The following MTUS2 variants were observed in gnomAD, a reference collection of about 807,000 sequenced individuals.
MTUS2 encodes the protein microtubule associated scaffold protein 2, also known as microtubule-associated tumor suppressor candidate 2.
In MTUS2, 40 loss-of-function variants were observed where a neutral mutation model predicts 114.1. The ratio of observed to expected loss-of-function variants is 0.35; its 90% CI spans 0.27 to 0.46. The LOEUF (loss-of-function observed/expected upper bound fraction) is 0.46. MTUS2 is among the 20% of genes least tolerant of loss of function. The pLI, the probability that MTUS2 is intolerant of heterozygous loss-of-function variation, is 1.00. For synonymous variants in MTUS2, 688 were observed against 672.0 expected, an observed-to-expected ratio of 1.02 and a Z score of -0.37; for missense variants, 1,679 against 1,705.4, an observed-to-expected ratio of 0.98 and a Z score of 0.27.
chr13:28,889,163 C>G lies in MTUS2; in HGVS notation c.-243+49313C>G, dbSNP rs113543004. ...CATTGTTCATTTGTTCTCAGCTGTT[C>G]CCTGGAGGTGTAGCTCTTCACCTGC... On this transcript the variant is annotated intron_variant, in intron 2 of 15. Transcript: ENST00000612955. 6.6e-3 allele frequency among the ~76,000 whole-genome samples: 1,007 copies of G among 152,144 alleles called. 5 individuals carry two copies. Among genetic ancestry groups the G allele is most frequent in the African/African-American group, 0.022 (920 of 41,508 alleles).
chr13:28,870,056 T>C (rs1275435361), intron 2 of MTUS2, among the ~76,000 whole-genome samples: 1 of 152,212 alleles, frequency 6.6e-6, no homozygotes, highest in Non-Finnish European at 1.5e-5. Flanking sequence ...ATATATATCA[T>C]GTATAGTGAT....
intron 2 of MTUS2, among the ~76,000 whole-genome samples, chr13:29,020,594 A>G (rs559183099): frequency 2.0e-5 from 3 of 152,158 alleles, no homozygotes; most frequent in Non-Finnish European, 4.4e-5. Context: ...AAATTGAAGA[A>G]AGTTTTTAAA....
At chr13:29,459,962 C>CA (rs1879368712) in intron 9 of MTUS2, among the ~76,000 whole-genome samples, 1 of 152,180 alleles carries the variant, frequency 6.6e-6, no homozygotes, top group Non-Finnish European at 1.5e-5. Flanking sequence ...GACTCAAGTC[C>CA]ACCATCCCCT....
chr13:29,171,146 G>GTA (rs1566045542), intron 5 of MTUS2, among the ~76,000 whole-genome samples: 3 of 151,582 alleles, frequency 2.0e-5, no homozygotes, highest in African/African-American at 7.3e-5. Context: ...GAGAGAGTGT[G>GTA]TGTGTGTGTG....
At chr13:28,954,799 G>T (rs1229741438) in intron 2 of MTUS2, among the ~76,000 whole-genome samples, 2 of 152,162 alleles carry the variant, frequency 1.3e-5, no homozygotes, top group African/African-American at 2.4e-5. Context: ...CAGAGGTGGG[G>T]CCTCCAGCAT....
chr13:28,871,989 T>C (rs60139278), intron 2 of MTUS2, among the ~76,000 whole-genome samples: 10,443 of 152,160 alleles, frequency 0.069, 1,170 homozygotes, highest in African/African-American at 0.23. Context: ...TCACAATGGC[T>C]TGGGACCTCA....
intron 15 of MTUS2, 81 bp downstream of exon 15, chr13:29,501,275 G>A (rs1262964451): frequency 1.9e-6 from 2 of 1,036,332 alleles, no homozygotes; most frequent in South Asian, 1.4e-5. Flanking sequence ...CCCTCACTCT[G>A]GCCTGTGAGT....
intron 9 of MTUS2, among the ~76,000 whole-genome samples, chr13:29,448,857 G>A (rs1472174236): frequency 3.4e-5 from 5 of 149,194 alleles, no homozygotes; most frequent in South Asian, 2.1e-4. Flanking sequence ...GAGTTCAAGC[G>A]ATTCTCCTGC....
chr13:29,200,874 C>T (rs1473493560), intron 5 of MTUS2, among the ~76,000 whole-genome samples: 1 of 152,066 alleles, frequency 6.6e-6, no homozygotes, highest in African/African-American at 2.4e-5. Context: ...GCCTGAGAGA[C>T]TGTTGGTTAG....
At chr13:29,199,651 C>A (rs1417891745) in intron 5 of MTUS2, among the ~76,000 whole-genome samples, 1 of 151,844 alleles carries the variant, frequency 6.6e-6, no homozygotes, top group Non-Finnish European at 1.5e-5. Context: ...CTGAAATTTT[C>A]TTTTTTTGTT....
chr13:28,842,826 C>T (rs1273969476), intron 2 of MTUS2, among the ~76,000 whole-genome samples: 1 of 152,162 alleles, frequency 6.6e-6, no homozygotes, highest in African/African-American at 2.4e-5. Context: ...TTACCCTGTG[C>T]AGATGCTAGT....
intron 8 of MTUS2, among the ~76,000 whole-genome samples, chr13:29,432,552 C>T (rs1192417492): frequency 6.6e-6 from 1 of 152,184 alleles, no homozygotes; most frequent in Non-Finnish European, 1.5e-5. Flanking sequence ...AGCCTTGATG[C>T]GAATGGAATC....
chr13:28,874,341 A>G (rs777250413), intron 2 of MTUS2, among the ~76,000 whole-genome samples: 15 of 152,170 alleles, frequency 9.9e-5, no homozygotes, highest in African/African-American at 2.7e-4. Context: ...TAAACTATTC[A>G]ATTTATTTAA....
At chr13:29,256,984 C>G (rs753316326) in intron 5 of MTUS2, among the ~76,000 whole-genome samples, 8 of 152,166 alleles carry the variant, frequency 5.3e-5, no homozygotes, top group Non-Finnish European at 1.2e-4. Flanking sequence ...TACATTGTTG[C>G]AAAATAAAAG....
chr13:29,225,400 GT>G (rs561457851), intron 5 of MTUS2, among the ~76,000 whole-genome samples: 95 of 152,292 alleles, frequency 6.2e-4, no homozygotes, highest in African/African-American at 2.2e-3. Flanking sequence ...AAGTTACGCA[GT>G]GTTATTGTAA....
chr13:28,904,989 C>T (rs151294778), intron 2 of MTUS2, among the ~76,000 whole-genome samples: 19,374 of 150,974 alleles, frequency 0.13, 1,640 homozygotes, highest in African/African-American at 0.21. Context: ...AAGTTGGATT[C>T]GTAGGTATTT....
At chr13:28,854,956 G>A (rs1876527114) in intron 2 of MTUS2, among the ~76,000 whole-genome samples, 1 of 151,992 alleles carries the variant, frequency 6.6e-6, no homozygotes, top group African/African-American at 2.4e-5. Flanking sequence ...CCCTCCTTTT[G>A]TCCCTTTAGC....
At chr13:29,330,874 C>T (rs929682840) in intron 7 of MTUS2, among the ~76,000 whole-genome samples, 1 of 152,262 alleles carries the variant, frequency 6.6e-6, no homozygotes, top group South Asian at 2.1e-4. Context: ...AGCGTGATGC[C>T]TCCAGCTTTG....
chr13:29,232,714 G>A (rs937982951), intron 5 of MTUS2, among the ~76,000 whole-genome samples: 18 of 152,160 alleles, frequency 1.2e-4, no homozygotes, highest in African/African-American at 4.3e-4. Flanking sequence ...AGAAGGGGGA[G>A]TTAGTACTGT....
Sources: allele counts gnomAD v4.1 joint callset (sites outside exome capture counted in the v4.1 genomes callset), GRCh38; gene constraint gnomAD v4.1.1; transcripts MANE v1.5; gene names NCBI Gene and HGNC (gene_info 2026-07-23, HGNC 2026-07-21).